KLF12: variants seen among roughly 807,000 people sequenced by gnomAD.
The protein encoded by KLF12 is KLF transcription factor 12.
A neutral mutation model predicts 37.8 loss-of-function variants in KLF12; 9 were observed. The ratio of observed to expected loss-of-function variants is 0.24; its 90% CI spans 0.14 to 0.42. The LOEUF is 0.42. KLF12 is among the 10% of genes least tolerant of loss of function. The pLI is 1.00. For missense variants in KLF12, 411 were observed against 516.0 expected (o/e 0.80, Z 1.97); for synonymous variants, 208 against 202.1 (o/e 1.03, Z -0.25).
chr13:73,937,198 T>TAA (rs201687276), intron 3 of KLF12, among the ~76,000 whole-genome samples: 12,114 of 150,452 alleles, frequency 0.081, 696 homozygotes, highest in Non-Finnish European at 0.12. Context: ...CAAAAAAAAA[T>TAA]AAATAAATAA....
At chr13:74,062,792 T>C (rs1482430520) in intron 1 of KLF12, among the ~76,000 whole-genome samples, 3 of 152,226 alleles carry the variant, frequency 2.0e-5, no homozygotes, top group Admixed American at 6.5e-5. Flanking sequence ...AAAAAATCCA[T>C]CTAGCTCTAG....
the KLF12 span, among the ~76,000 whole-genome samples, chr13:74,291,489 G>T: frequency 6.6e-6 from 1 of 152,192 alleles, no homozygotes; most frequent in South Asian, 2.1e-4. Context: ...CATCCTCAGA[G>T]ATATAGACAA....
chr13:74,203,473 G>A, the KLF12 span, among the ~76,000 whole-genome samples: 1 of 151,984 alleles, frequency 6.6e-6, no homozygotes, highest in Non-Finnish European at 1.5e-5. Flanking sequence ...TTTTAAATAA[G>A]ACTATTATGG....
intron 1 of KLF12, among the ~76,000 whole-genome samples, chr13:74,059,273 G>A (rs974991660): frequency 1.3e-5 from 2 of 152,208 alleles, no homozygotes; most frequent in African/African-American, 2.4e-5. Flanking sequence ...TTCATAGAAT[G>A]ATTTATCTTC....
intron 1 of KLF12, among the ~76,000 whole-genome samples, chr13:74,021,495 C>T (rs1332983167): frequency 6.6e-6 from 1 of 151,980 alleles, no homozygotes; most frequent in Non-Finnish European, 1.5e-5. Flanking sequence ...GAAGGGGGAA[C>T]AGGGAAAAGT....
At chr13:74,159,286 G>A in the KLF12 span, among the ~76,000 whole-genome samples, 1 of 152,174 alleles carries the variant, frequency 6.6e-6, no homozygotes, top group East Asian at 1.9e-4. Flanking sequence ...ACATGAATGA[G>A]TGCCATCTTT....
intron 3 of KLF12, among the ~76,000 whole-genome samples, chr13:73,865,569 G>A (rs990823034): frequency 6.6e-6 from 1 of 152,088 alleles, no homozygotes; most frequent in Non-Finnish European, 1.5e-5. Context: ...CACAACGTCT[G>A]CTATTCACTT....
At chr13:74,082,962 C>G (rs1283270809) in intron 1 of KLF12, among the ~76,000 whole-genome samples, 1 of 152,048 alleles carries the variant, frequency 6.6e-6, no homozygotes, top group Non-Finnish European at 1.5e-5. Context: ...AAAACAAGTA[C>G]AGGCAAAATA....
At chr13:74,236,145 C>T in the KLF12 span, among the ~76,000 whole-genome samples, 1 of 146,058 alleles carries the variant, frequency 6.8e-6, no homozygotes, top group Admixed American at 6.7e-5. Flanking sequence ...CTTCCTGTGT[C>T]CATGTGTTCT....
At chr13:73,883,044 T>C (rs1487625378) in intron 3 of KLF12, among the ~76,000 whole-genome samples, 1 of 152,188 alleles carries the variant, frequency 6.6e-6, no homozygotes, top group South Asian at 2.1e-4. Flanking sequence ...AATCTAATCA[T>C]TGTGAGGAGG....
the KLF12 span, among the ~76,000 whole-genome samples, chr13:74,234,324 G>C: frequency 6.6e-6 from 1 of 152,118 alleles, no homozygotes; most frequent in East Asian, 1.9e-4. Flanking sequence ...TCAAATTTTA[G>C]AATCAGAAAG....
the KLF12 span, among the ~76,000 whole-genome samples, chr13:74,158,329 G>T: frequency 6.6e-6 from 1 of 152,186 alleles, no homozygotes; most frequent in East Asian, 1.9e-4. Context: ...GAGGAGAGCT[G>T]GGAGTTGCTC....
At chr13:73,783,755 T>C (rs1180714082) in intron 5 of KLF12, among the ~76,000 whole-genome samples, 2 of 152,182 alleles carry the variant, frequency 1.3e-5, no homozygotes, top group Non-Finnish European at 2.9e-5. Flanking sequence ...TTTGGAAATA[T>C]CTTTGCACAA....
intron 6 of KLF12, among the ~76,000 whole-genome samples, chr13:73,761,816 A>G (rs1594060638): frequency 6.6e-6 from 1 of 152,186 alleles, no homozygotes; most frequent in East Asian, 1.9e-4. Flanking sequence ...TACCACAGTC[A>G]CTGGAGAAAG....
chr13:74,134,459 G>A (rs887496563), upstream of KLF12, among the ~76,000 whole-genome samples: 4 of 152,014 alleles, frequency 2.6e-5, no homozygotes. Flanking sequence ...AGAGGTAGAA[G>A]GCAACACCCA....
intron 2 of KLF12, among the ~76,000 whole-genome samples, chr13:73,971,626 A>G (rs1016280045): frequency 2.0e-5 from 3 of 152,184 alleles, no homozygotes; most frequent in South Asian, 4.1e-4. Flanking sequence ...CCAAACAAGG[A>G]AACTCCATCT....
chr13:73,891,687 A>G (rs1045697647), intron 3 of KLF12, among the ~76,000 whole-genome samples: 1 of 152,098 alleles, frequency 6.6e-6, no homozygotes, highest in African/African-American at 2.4e-5. Flanking sequence ...CTGGGTAGGT[A>G]TACTGTTTAT....
the KLF12 span, among the ~76,000 whole-genome samples, chr13:74,305,256 T>C: frequency 5.7e-4 from 87 of 152,230 alleles, no homozygotes; most frequent in African/African-American, 2.1e-3. Context: ...AGTGCTATAT[T>C]TCCGTTGCTT....
the KLF12 span, among the ~76,000 whole-genome samples, chr13:74,262,819 G>A: frequency 2.7e-3 from 403 of 152,050 alleles, no homozygotes; most frequent in African/African-American, 9.1e-3. Flanking sequence ...ATATATATGT[G>A]TGCATATATG....
Sources: allele counts gnomAD v4.1 joint callset (sites outside exome capture counted in the v4.1 genomes callset), GRCh38; gene constraint gnomAD v4.1.1; transcripts MANE v1.5; gene names NCBI Gene and HGNC (gene_info 2026-07-23, HGNC 2026-07-21).